The following ZNF785 variants were observed in gnomAD, a reference collection of about 807,000 sequenced individuals.
The protein encoded by ZNF785 is zinc finger protein 785.
Under a neutral mutation model 11.3 loss-of-function variants are expected in ZNF785, and 15 were observed. That is an observed-to-expected ratio of 1.32 (90% CI 0.89 to 2.04). ZNF785 has a LOEUF of 2.04. Ranked by LOEUF, ZNF785 falls within the 30% of genes most tolerant of loss-of-function variation. The pLI is 0.00. For missense variants in ZNF785, 572 were observed against 560.9 expected, an observed-to-expected ratio of 1.02 and a Z score of -0.20; for synonymous variants, 221 against 231.0, an observed-to-expected ratio of 0.96 and a Z score of 0.39.
At position 30,582,955 on chromosome 16, in the gene ZNF785, G is replaced by A. The variant is rs374486124; in HGVS notation, c.823C>T (p.Gln275Ter). 2.0e-5 allele frequency: 33 copies of A among 1,613,956 alleles called. No individual in the cohort carries two copies. The highest frequency in any genetic ancestry group is 2.7e-5 in the Non-Finnish European group (32 of 1,179,996). ...GGCTTCTCGCCCGTGTGCTTGCGCT[G>A]GTGGATGGCCAGCAGGTAGGGGTAA... is the stretch of plus-strand genomic sequence containing the variant. ...FTYPYLLAIH[Q>*]RKHTGEKPYS... The change falls in exon 3 of 3, where the codon CAG becomes TAG. Residue 275 changes from glutamine to a stop codon, truncating the protein, a stop_gained. Transcript: ENST00000395216. LOFTEE classifies it low-confidence loss of function (END_TRUNC).
chr16:30,583,883 C>G (rs1434935021), intron 2 of ZNF785: 1 of 153,996 alleles, frequency 6.5e-6, no homozygotes, highest in Non-Finnish European at 1.4e-5. Flanking sequence ...TGGCCCATGC[C>G]TGTAATCCCA....
chr16:30,585,181 G>T lies in ZNF785; in HGVS notation c.275C>A (p.Ala92Asp). The change falls in exon 2 of 3, where the codon GCC becomes GAC. Residue 92 changes from alanine to aspartate, a missense_variant. Physicochemically the swap from Ala to Asp is moderately radical, Grantham distance 126. Transcript: ENST00000395216. This position sits in a 1 kb window ranked among gnomAD's most constrained non-coding sequence, Gnocchi z 4.0. ...EGEVEAWSPE[A>D]QDPDGESSAA... ...AGAGCTCTCACCGTCGGGATCCTGG[G>T]CCTCCGGGCTCCACGCCTCCACTTC... The T allele has an allele frequency of 6.2e-7, 1 of 1,614,132 alleles. No homozygotes were observed. The highest frequency in any genetic ancestry group is 8.5e-7 in the Non-Finnish European group (1 of 1,179,980).
chr16:30,581,817 G>A lies in ZNF785; in HGVS notation c.*743C>T. On this transcript the variant is annotated 3_prime_UTR_variant, in exon 3 of 3. Transcript: ENST00000395216. ...AAGGCAGAATCCTCGGCAGGGGTCG[G>A]TGGCTCACGCTTGTAATCCCAGCAC... The A allele has an allele frequency of 6.6e-6, 1 of 152,368 alleles. No homozygotes were observed. The highest frequency in any genetic ancestry group is 1.5e-5 in the Non-Finnish European group (1 of 68,072). The allele number at this position is 152,368 out of a possible 1,614,324, so 9.4% of individuals were successfully genotyped here.
chr16:30,584,562 A>G (rs2051863814), intron 2 of ZNF785, among the ~76,000 whole-genome samples: 1 of 152,092 alleles, frequency 6.6e-6, no homozygotes, highest in Admixed American at 6.6e-5. Flanking sequence ...AGGCAGGAGA[A>G]TTGCTTGAGC....
chr16:30,584,516 G>T (rs1329146754), intron 2 of ZNF785, among the ~76,000 whole-genome samples: 1 of 152,110 alleles, frequency 6.6e-6, no homozygotes, highest in Admixed American at 6.6e-5. Flanking sequence ...TGGGCATGAT[G>T]GCGGGTACCT....
downstream of ZNF785, chr16:30,579,917 T>C: frequency 2.2e-6 from 1 of 448,632 alleles, no homozygotes; most frequent in Non-Finnish European, 4.5e-6. Context: ...GACTGGAGTC[T>C]CACTTTGTCG....
rs764129454 is a variant in ZNF785 at position 30,582,820 on chromosome 16, G to A, written c.958C>T (p.Arg320Cys). ...AGGAGGAGGGAAGAATAGGTGAAGC[G>A]GCGGCCGCAGTCAGGACAGGGGTAG... The part of the protein sequence containing the change: ...KPYPCPDCGR[R>C]FTYSSLLLSH... The change falls in exon 3 of 3, where the codon CGC (arginine) becomes TGC (cysteine). Residue 320 changes from arginine (R) to cysteine (C), a missense_variant. Transcript: ENST00000395216. 3 of 1,607,752 alleles carry A rather than the reference G, an allele frequency of 1.9e-6. No individual in the cohort carries two copies. The highest frequency in any genetic ancestry group is 8.5e-7 in the Non-Finnish European group (1 of 1,176,076).
Position 30,582,911 on chromosome 16 carries a change from G to A in ZNF785, c.867C>T (p.Cys289=), listed in dbSNP as rs1243807105. Residue 289 remains cysteine (C), a synonymous_variant, in exon 3 of 3, where the codon TGC becomes TGT. Transcript: ENST00000395216. The stretch of plus-strand genomic sequence containing the variant: ...GGGAGGTGTAGGCGAAACGGAGGCT[G>A]CAATCGGGGCAGCTGTAGGGCTTCT... The part of the protein sequence containing the change: ...TGEKPYSCPD[C]SLRFAYTSLL... The A allele has an allele frequency of 6.2e-7, 1 of 1,613,624 alleles. No homozygotes were observed. Among genetic ancestry groups the A allele is most frequent in the Non-Finnish European group, 8.5e-7 (1 of 1,179,934 alleles).
Position 30,581,458 on chromosome 16 carries a change from T to G in ZNF785, c.*1102A>C, listed in dbSNP as rs1597147396. ...CCAGGCAATAGAGACAGACTCTGTCTCAAAAAAAAAAAAAAAAAAAAGAAT... is the reference window on the plus strand; with the variant it reads ...CCAGGCAATAGAGACAGACTCTGTCGCAAAAAAAAAAAAAAAAAAAAGAAT... On this transcript the variant is annotated 3_prime_UTR_variant, in exon 3 of 3. Coordinates refer to ENST00000395216, the MANE Select transcript of ZNF785 (RefSeq NM_152458.7). 1 of 83,240 alleles carries G rather than the reference T, an allele frequency of 1.2e-5. No homozygotes were observed. Among genetic ancestry groups the G allele is most frequent in the Non-Finnish European group, 2.3e-5 (1 of 44,098 alleles). 5.2% of individuals were successfully genotyped at this position (83,240 alleles called of 1,614,324 possible).
intron 2 of ZNF785, 136 bp from the exon 3 acceptor site, chr16:30,583,579 C>G (rs537500987): frequency 4.1e-6 from 5 of 1,211,698 alleles, no homozygotes; most frequent in Non-Finnish European, 5.6e-6. Context: ...GAATATGGCG[C>G]CCAGGGAGCA....
chr16:30,585,192 C>T lies in ZNF785; in HGVS notation c.264G>A (p.Trp88Ter), dbSNP rs377204218. Residue 88 changes from tryptophan to a stop codon, truncating the protein, a stop_gained, in exon 2 of 3, where the codon TGG becomes TGA. Transcript: ENST00000395216. LOFTEE classifies it high-confidence loss of function. This position sits in a 1 kb window ranked among gnomAD's most constrained non-coding sequence, Gnocchi z 4.0. ...CGTCGGGATCCTGGGCCTCCGGGCTCCACGCCTCCACTTCTCCTTCCACCC... is the reference window on the plus strand; with the variant it reads ...CGTCGGGATCCTGGGCCTCCGGGCTTCACGCCTCCACTTCTCCTTCCACCC... The part of the protein sequence containing the change: ...ISWVEGEVEA[W>*]SPEAQDPDGE... 4.2e-5 allele frequency: 67 copies of T among 1,614,146 alleles called. No individual in the cohort carries two copies. Among genetic ancestry groups the T allele is most frequent in the South Asian group, 2.2e-4 (20 of 91,058 alleles).
At position 30,585,506 on chromosome 16, in the gene ZNF785, C is replaced by T; in HGVS notation, c.106G>A (p.Val36Met). The T allele has an allele frequency of 1.9e-6, 3 of 1,596,132 alleles. No homozygotes were observed. The highest frequency in any genetic ancestry group is 1.1e-5 in the South Asian group (1 of 89,104). ...PGAVSFADVA[V>M]YFSPEEWECL... ...TCCCACTCCTCGGGAGAGAAGTACACGGCCACGTCCGCGAAGCTCACGGCG... is the reference window on the plus strand; with the variant it reads ...TCCCACTCCTCGGGAGAGAAGTACATGGCCACGTCCGCGAAGCTCACGGCG... The change falls in exon 1 of 3, where the codon GTG becomes ATG. Residue 36 changes from valine to methionine, a missense_variant. Physicochemically the swap from Val to Met is conservative, Grantham distance 21. Coordinates refer to ENST00000395216, the MANE Select transcript of ZNF785 (RefSeq NM_152458.7). This position sits in a 1 kb window ranked among gnomAD's most constrained non-coding sequence, Gnocchi z 4.0.
Position 30,585,680 on chromosome 16 carries a change from T to C in ZNF785, c.-69A>G. The C allele has an allele frequency of 6.9e-7, 1 of 1,443,270 alleles. No homozygotes were observed. The highest frequency in any genetic ancestry group is 1.4e-5 in the African/African-American group (1 of 69,222). 89.4% of individuals were successfully genotyped at this position (1,443,270 alleles called of 1,614,324 possible). A position where few individuals can be genotyped will look rare whatever the true frequency, so the allele number is the denominator to read the frequency against. On this transcript the variant is annotated 5_prime_UTR_variant, in exon 1 of 3. Coordinates refer to ENST00000395216, the MANE Select transcript of ZNF785 (RefSeq NM_152458.7). The surrounding 1 kb of genome is among the most constrained non-coding windows in gnomAD (Gnocchi z 4.0). The stretch of plus-strand genomic sequence containing the variant: ...TGGAGATGCTGGCGCTTTCCTGTCT[T>C]TCCTCAGACAAGTCCGTAAGGGACT...
At position 30,582,975 on chromosome 16, in the gene ZNF785, G is replaced by A. The variant is rs765255125; in HGVS notation, c.803C>T (p.Pro268Leu). ...CSDCKSRFTY[P>L]YLLAIHQRKH... ...GCGCTGGTGGATGGCCAGCAGGTAG[G>A]GGTAAGTGAAGCGACTCTTGCAGTC... Residue 268 changes from proline to leucine, a missense_variant, in exon 3 of 3, where the codon CCC becomes CTC. Transcript: ENST00000395216. The A allele has an allele frequency of 1.2e-6, 2 of 1,614,054 alleles. No homozygotes were observed. The highest frequency in any genetic ancestry group is 1.1e-5 in the South Asian group (1 of 91,082).
At position 30,585,188 on chromosome 16, in the gene ZNF785, G is replaced by C. The variant is rs1219967318; in HGVS notation, c.268C>G (p.Pro90Ala). ...WVEGEVEAWS[P>A]EAQDPDGESS... ...TCACCGTCGGGATCCTGGGCCTCCG[G>C]GCTCCACGCCTCCACTTCTCCTTCC... is the stretch of plus-strand genomic sequence containing the variant. The change falls in exon 2 of 3, where the codon CCG (proline) becomes GCG (alanine). Residue 90 changes from proline (P) to alanine (A), a missense_variant. Coordinates refer to ENST00000395216, the MANE Select transcript of ZNF785 (RefSeq NM_152458.7). This position sits in a 1 kb window ranked among gnomAD's most constrained non-coding sequence, Gnocchi z 4.0. The C allele has an allele frequency of 6.2e-7, 1 of 1,614,020 alleles. No individual in the cohort carries two copies. Among genetic ancestry groups the C allele is most frequent in the Non-Finnish European group, 8.5e-7 (1 of 1,180,010 alleles).
In ZNF785 at chr16:30,585,572, C is replaced by T. The variant is rs1196891328; in HGVS notation, c.40G>A (p.Gly14Arg). ...PLAPRPAHVP[G>R]EAGPRRTRES... is the part of the protein sequence containing the mutation. ...CTCGTCCTCCGGGGCCCGGCCTCCC[C>T]GGGTACGTGGGCCGGGCGCGGCGCC... Residue 14 changes from glycine (G) to arginine (R), a missense_variant, in exon 1 of 3, where the codon GGG becomes AGG. Coordinates refer to ENST00000395216, the MANE Select transcript of ZNF785 (RefSeq NM_152458.7). This position sits in a 1 kb window ranked among gnomAD's most constrained non-coding sequence, Gnocchi z 4.0. The T allele has an allele frequency of 5.2e-6, 8 of 1,541,846 alleles. No individual in the cohort carries two copies. The highest frequency in any genetic ancestry group is 1.4e-5 in the African/African-American group (1 of 72,724).
At chr16:30,583,830 TGGGCAACTCTCTA>T (rs2051853716) in intron 2 of ZNF785, 1 of 157,092 alleles carries the variant, frequency 6.4e-6, no homozygotes, top group African/African-American at 2.5e-5. Context: ...CACTCCAGCC[TGGGCAACTCTCTA>T]ATAAAAAAAA....
chr16:30,582,992 C>A lies in ZNF785; in HGVS notation c.786G>T (p.Lys262Asn). ...GCAGGTAGGGGTAAGTGAAGCGACT[C>A]TTGCAGTCTGAGCACGCGTAAGGCT... ...GEKPYACSDC[K>N]SRFTYPYLLA... Residue 262 changes from lysine to asparagine, a missense_variant, in exon 3 of 3, where the codon AAG becomes AAT. Coordinates refer to ENST00000395216, the MANE Select transcript of ZNF785 (RefSeq NM_152458.7). 1 of 1,613,868 alleles carries A rather than the reference C, an allele frequency of 6.2e-7. No individual in the cohort carries two copies. The highest frequency in any genetic ancestry group is 8.5e-7 in the Non-Finnish European group (1 of 1,179,968).
In ZNF785 at chr16:30,582,829, A is replaced by G. The variant is rs1165427816; in HGVS notation, c.949T>C (p.Cys317Arg). The G allele has an allele frequency of 1.9e-6, 3 of 1,609,176 alleles. No individual in the cohort carries two copies. The South Asian group carries it at 3.3e-5, about 18-fold the overall frequency. ...GAAGAATAGGTGAAGCGGCGGCCGC[A>G]GTCAGGACAGGGGTAGGGCTTCTCG... ...TGEKPYPCPD[C>R]GRRFTYSSLL... is the part of the protein sequence containing the mutation. The change falls in exon 3 of 3, where the codon TGC becomes CGC. Residue 317 changes from cysteine to arginine, a missense_variant. By Grantham distance (180) the Cys-to-Arg change is radical. Coordinates refer to ENST00000395216, the MANE Select transcript of ZNF785 (RefSeq NM_152458.7).
Sources: allele counts gnomAD v4.1 joint callset (sites outside exome capture counted in the v4.1 genomes callset), GRCh38; gene constraint gnomAD v4.1.1; non-coding constraint Gnocchi (gnomAD v3.1); transcripts MANE v1.5; gene names NCBI Gene and HGNC (gene_info 2026-07-23, HGNC 2026-07-21).